PCDH11X: variants seen among roughly 807,000 people sequenced by gnomAD.
PCDH11X encodes protocadherin 11 X-linked.
A neutral mutation model predicts 53.3 loss-of-function variants in PCDH11X; 18 were observed. The ratio of observed to expected loss-of-function variants is 0.34; its 90% CI spans 0.23 to 0.50. The LOEUF is 0.50. PCDH11X is among the 20% of genes least tolerant of loss of function. PCDH11X has a pLI of 0.98. For synonymous variants in PCDH11X, 279 were observed against 393.3 expected, an observed-to-expected ratio of 0.71 and a Z score of 3.44; for missense variants, 570 against 1,032.4, an observed-to-expected ratio of 0.55 and a Z score of 6.14.
At chrX:91,846,404 T>A (rs1937658792) in intron 5 of PCDH11X, among the ~76,000 whole-genome samples, 2 of 110,178 alleles carry the variant, frequency 1.8e-5, no homozygotes, top group South Asian at 7.8e-4. Flanking sequence ...GATCACGAGG[T>A]CAGGAGATTG....
At chrX:92,482,551 G>A (rs1487875572) in intron 10 of PCDH11X, among the ~76,000 whole-genome samples, 1 of 111,811 alleles carries the variant, frequency 8.9e-6, no homozygotes, top group African/African-American at 3.2e-5. Flanking sequence ...ACACCTTGAA[G>A]TCTCCATTCC....
At chrX:92,224,026 G>T (rs2066926426) in intron 7 of PCDH11X, among the ~76,000 whole-genome samples, 1 of 111,688 alleles carries the variant, frequency 9.0e-6, no homozygotes, top group African/African-American at 3.3e-5. Flanking sequence ...TTGGCCATTT[G>T]CCTTTTTGTG....
intron 7 of PCDH11X, among the ~76,000 whole-genome samples, chrX:92,244,090 T>C (rs1603227835): frequency 9.1e-6 from 1 of 109,934 alleles, no homozygotes; most frequent in Non-Finnish European, 1.9e-5. Context: ...GATAACGAGC[T>C]GATAATCTGG....
rs1177558093 is a variant in PCDH11X, at chrX:92,127,808, A to G, written c.3034-73567A>G. Among the ~76,000 whole-genome samples, 3 of 111,311 alleles carry G rather than the reference A, an allele frequency of 2.7e-5. No individual in the cohort carries two copies. The Admixed American group carries it at 2.9e-4, about 11-fold the overall frequency. On this transcript the variant is annotated intron_variant, in intron 6 of 10. Transcript: ENST00000682573. ...AGTGCTGTGATTACAGGCATAAGCC[A>G]CCACACCCAGCCTTACCCTTCCCCC...
At chrX:92,003,437 T>C (rs1475494680) in intron 6 of PCDH11X, among the ~76,000 whole-genome samples, 1 of 110,601 alleles carries the variant, frequency 9.0e-6, no homozygotes, top group Non-Finnish European at 1.9e-5. Context: ...TTTATTGAAA[T>C]AGTTTGAATA....
intron 7 of PCDH11X, among the ~76,000 whole-genome samples, chrX:92,219,141 C>G (rs1281534768): frequency 1.9e-4 from 21 of 110,947 alleles, no homozygotes; most frequent in Middle Eastern, 4.7e-3. Context: ...TGGCACAAGA[C>G]AGGGATGCCC....
chrX:92,103,777 G>T (rs888291614), intron 6 of PCDH11X, among the ~76,000 whole-genome samples: 14 of 112,205 alleles, frequency 1.2e-4, no homozygotes, highest in African/African-American at 4.5e-4. Flanking sequence ...GTGTGCTGGA[G>T]ATGTGGCTGG....
chrX:91,884,645 TTTA>T (rs1186129195), intron 6 of PCDH11X, among the ~76,000 whole-genome samples: 1 of 111,870 alleles, frequency 8.9e-6, no homozygotes, highest in African/African-American at 3.2e-5. Context: ...TACATTATAT[TTTA>T]TTGAGGAAAG....
chrX:92,284,130 C>T (rs1034592831), intron 8 of PCDH11X, among the ~76,000 whole-genome samples: 26 of 108,962 alleles, frequency 2.4e-4, no homozygotes, highest in African/African-American at 8.7e-4. Flanking sequence ...TATTGATACT[C>T]AATGTAGCCA....
chrX:92,487,177 G>A (rs1171198010), intron 10 of PCDH11X, among the ~76,000 whole-genome samples: 4 of 103,608 alleles, frequency 3.9e-5, no homozygotes, highest in Non-Finnish European at 7.8e-5. Context: ...CTTGGCCTCT[G>A]GAGTAGATGG....
chrX:91,958,405 G>T (rs2061738212), intron 6 of PCDH11X, among the ~76,000 whole-genome samples: 1 of 111,596 alleles, frequency 9.0e-6, no homozygotes, highest in Non-Finnish European at 1.9e-5. Context: ...GTCTGTGTGT[G>T]TCTGAGTGGC....
chrX:92,251,497 G>T (rs1254300327), intron 7 of PCDH11X, among the ~76,000 whole-genome samples: 1 of 110,965 alleles, frequency 9.0e-6, no homozygotes, highest in Non-Finnish European at 1.9e-5. Flanking sequence ...GTAAACTTTA[G>T]AATTGAGCAA....
intron 6 of PCDH11X, among the ~76,000 whole-genome samples, chrX:91,972,919 C>G (rs2061986111): frequency 9.0e-6 from 1 of 110,734 alleles, no homozygotes; most frequent in African/African-American, 3.3e-5. Context: ...ACCATTTGAC[C>G]CAGCCATCCC....
chrX:92,575,656 T>C (rs2148778716), intron 10 of PCDH11X, among the ~76,000 whole-genome samples: 1 of 107,437 alleles, frequency 9.3e-6, no homozygotes, highest in South Asian at 4.0e-4. Flanking sequence ...TTAAATTCAA[T>C]TGTTACCATA....
At chrX:92,267,510 C>T (rs1479714939) in intron 8 of PCDH11X, among the ~76,000 whole-genome samples, 1 of 112,252 alleles carries the variant, frequency 8.9e-6, no homozygotes, top group Non-Finnish European at 1.9e-5. Context: ...TGCTCCAAGG[C>T]TACATGAAGA....
intron 1 of PCDH11X, among the ~76,000 whole-genome samples, chrX:91,788,420 TA>T (rs928855565): frequency 8.9e-6 from 1 of 112,391 alleles, no homozygotes; most frequent in African/African-American, 3.2e-5. Flanking sequence ...TTATTTTTTT[TA>T]AAAAATGACT....
At chrX:92,170,953 G>A (rs1174729780) in intron 6 of PCDH11X, among the ~76,000 whole-genome samples, 2 of 68,358 alleles carry the variant, frequency 2.9e-5, no homozygotes, top group African/African-American at 4.6e-5. Context: ...CACTGCGCCC[G>A]GCCAAGCCTA....
At chrX:92,548,380 AG>A (rs767960972) in intron 10 of PCDH11X, among the ~76,000 whole-genome samples, 4 of 111,079 alleles carry the variant, frequency 3.6e-5, no homozygotes, top group Non-Finnish European at 5.7e-5. Flanking sequence ...TATGTTGCTC[AG>A]GCTGATCTCA....
In PCDH11X at chrX:92,438,649, TTA is replaced by T. The variant is rs745807041; in HGVS notation, c.3344-29646_3344-29645del. Among the ~76,000 whole-genome samples the T allele has an allele frequency of 5.0e-4, 56 of 111,419 alleles. 1 individual carries two copies. Among genetic ancestry groups the T allele is most frequent in the Admixed American group, 4.5e-3 (47 of 10,419 alleles). ...TTATACCCAGAGGAAAAGAACATTT[TTA>T]TATCTGAAGATGAAGGGTCACAGAG... On this transcript the variant is annotated intron_variant, in intron 9 of 10. Coordinates refer to ENST00000682573, the MANE Select transcript of PCDH11X (RefSeq NM_032968.5).
Sources: gnomAD v4.1 joint callset for allele counts (sites outside exome capture counted in the v4.1 genomes callset) on GRCh38, gnomAD v4.1.1 for gene constraint, MANE v1.5 for transcripts, NCBI Gene and HGNC (gene_info 2026-07-23, HGNC 2026-07-21) for gene names.